STK32A: variants seen among roughly 807,000 people sequenced by gnomAD.
The protein encoded by STK32A is serine/threonine-protein kinase 32A.
Under a neutral mutation model 53.2 loss-of-function variants are expected in STK32A, and 41 were observed. The observed-to-expected ratio is 0.77, with a 90% CI of 0.60 to 1.00. STK32A has a LOEUF of 1.00. Among genes scored for constraint, STK32A ranks in the 50% least tolerant of loss-of-function variants. STK32A has a pLI of 0.00. For synonymous variants in STK32A, 166 were observed against 162.8 expected, an observed-to-expected ratio of 1.02 and a Z score of -0.15; for missense variants, 458 against 485.8, an observed-to-expected ratio of 0.94 and a Z score of 0.54.
At chr5:147,254,176 C>T (rs2151943591) in intron 2 of STK32A, among the ~76,000 whole-genome samples, 1 of 152,310 alleles carries the variant, frequency 6.6e-6, no homozygotes, top group East Asian at 1.9e-4. Context: ...GTTATATCTG[C>T]AACAACCCCA....
At chr5:147,359,905 A>G (rs924078723) in intron 7 of STK32A, among the ~76,000 whole-genome samples, 2 of 152,194 alleles carry the variant, frequency 1.3e-5, no homozygotes, top group Non-Finnish European at 2.9e-5. Flanking sequence ...TTTACTTAAA[A>G]AGAACATGAG....
At chr5:147,236,164 A>C (rs552559956) in intron 1 of STK32A, among the ~76,000 whole-genome samples, 2 of 152,132 alleles carry the variant, frequency 1.3e-5, no homozygotes, top group Non-Finnish European at 1.5e-5. Flanking sequence ...AGAGAAGCTT[A>C]CCTGTTGACA....
chr5:147,261,502 C>A (rs1754569185), intron 2 of STK32A, among the ~76,000 whole-genome samples: 1 of 152,096 alleles, frequency 6.6e-6, no homozygotes, highest in South Asian at 2.1e-4. Context: ...GAGCAGGTAG[C>A]AGGTAATCAG....
chr5:147,301,312 T>G (rs1753122185), intron 4 of STK32A, among the ~76,000 whole-genome samples: 1 of 151,888 alleles, frequency 6.6e-6, no homozygotes, highest in African/African-American at 2.4e-5. Flanking sequence ...TTTTTTCCTA[T>G]AGATACAAAT....
At chr5:147,317,800 T>C (rs1486589272) in intron 4 of STK32A, among the ~76,000 whole-genome samples, 1 of 152,090 alleles carries the variant, frequency 6.6e-6, no homozygotes, top group Admixed American at 6.5e-5. Context: ...AAAAGAAAAG[T>C]TTACAAAACA....
chr5:147,305,466 G>A (rs1299797731), intron 4 of STK32A, among the ~76,000 whole-genome samples: 2 of 152,124 alleles, frequency 1.3e-5, no homozygotes, highest in African/African-American at 4.8e-5. Context: ...CGGTTTTTCA[G>A]CCTTCAGGCT....
intron 4 of STK32A, among the ~76,000 whole-genome samples, chr5:147,313,604 A>G (rs971956214): frequency 6.6e-6 from 1 of 152,226 alleles, no homozygotes; most frequent in Non-Finnish European, 1.5e-5. Flanking sequence ...AAAATTCAAT[A>G]AATTCAAAGA....
intron 11 of STK32A, 51 bp from the exon 12 acceptor site, chr5:147,383,390 T>G (rs953308034): frequency 2.7e-5 from 40 of 1,473,300 alleles, no homozygotes; most frequent in Non-Finnish European, 3.5e-5. Flanking sequence ...TTGAAGATTC[T>G]CATTTGTCTG....
chr5:147,280,678 C>T (rs1394667964), intron 4 of STK32A, among the ~76,000 whole-genome samples: 1 of 151,734 alleles, frequency 6.6e-6, no homozygotes, highest in Non-Finnish European at 1.5e-5. Flanking sequence ...CCTAGCCCTG[C>T]CCCCACCTGA....
chr5:147,274,317 G>A (rs916222281), intron 2 of STK32A, among the ~76,000 whole-genome samples: 2 of 152,120 alleles, frequency 1.3e-5, no homozygotes, highest in Non-Finnish European at 2.9e-5. Context: ...GTGAGAACCA[G>A]GCTCTGCCTT....
At chr5:147,239,921 A>C in intron 2 of STK32A, 1 of 484,314 alleles carries the variant, frequency 2.1e-6, no homozygotes, top group Non-Finnish European at 3.7e-6. Flanking sequence ...CCTTTGTCCA[A>C]AGGGAGCTGC....
In STK32A at chr5:147,296,850, G is replaced by A. The variant is rs115269924; in HGVS notation, c.260+17452G>A. Reference sequence around the variant, plus strand: ...CTGCCTACTGTAACAGACCAACTTAGTTAAATAGGTGGGCTTTTCAACTTA... The same window carrying A: ...CTGCCTACTGTAACAGACCAACTTAATTAAATAGGTGGGCTTTTCAACTTA... On this transcript the variant is annotated intron_variant, in intron 4 of 12. Coordinates refer to ENST00000397936, the MANE Select transcript of STK32A (RefSeq NM_001112724.2). Among the ~76,000 whole-genome samples the A allele has an allele frequency of 7.2e-3, 1,096 of 152,156 alleles. 14 individuals carry two copies. Among genetic ancestry groups the A allele is most frequent in the African/African-American group, 0.025 (1,049 of 41,514 alleles).
In STK32A at chr5:147,321,035, A is replaced by G. The variant is rs1581090329; in HGVS notation, c.261-2863A>G. On this transcript the variant is annotated intron_variant, in intron 4 of 12. Transcript: ENST00000397936. ...GACAGAGCTATGAACAGCCTATTGC[A>G]ATGGTCTGGGTCAAGCATGATGGAG... Among the ~76,000 whole-genome samples the G allele has an allele frequency of 2.6e-5, 4 of 152,216 alleles. No individual in the cohort carries two copies. The South Asian group carries it at 6.2e-4, about 24-fold the overall frequency.
the STK32A span, chr5:147,394,084 C>T: frequency 2.5e-6 from 4 of 1,613,976 alleles, no homozygotes; most frequent in East Asian, 2.2e-5. Context: ...CGCCACGATG[C>T]GCTTGCTGGC....
At chr5:147,299,850 G>A (rs1009260353) in intron 4 of STK32A, among the ~76,000 whole-genome samples, 1 of 152,150 alleles carries the variant, frequency 6.6e-6, no homozygotes, top group African/African-American at 2.4e-5. Flanking sequence ...ACAAATTCCA[G>A]GATCACGATG....
chr5:147,255,271 T>A (rs11167974), intron 2 of STK32A, among the ~76,000 whole-genome samples: 49,736 of 152,096 alleles, frequency 0.33, 8,718 homozygotes, highest in African/African-American at 0.45. Context: ...AACTTTTTTT[T>A]AATATGCCTT....
chr5:147,384,175 C>A lies in STK32A; in HGVS notation c.*192C>A, dbSNP rs1296875469. On this transcript the variant is annotated 3_prime_UTR_variant, in exon 13 of 13. Transcript: ENST00000397936. ...GAGCTCCTGGGATGTCATTTCACAT[C>A]AATCAACTGTGTGATCTAGAGCAAG... 5 of 1,434,904 alleles carry A rather than the reference C, an allele frequency of 3.5e-6. No individual in the cohort carries two copies. Among genetic ancestry groups the A allele is most frequent in the Admixed American group, 3.2e-5 (1 of 30,948 alleles). 88.9% of individuals were successfully genotyped at this position (1,434,904 alleles called of 1,614,324 possible). A position where few individuals can be genotyped will look rare whatever the true frequency, so the allele number is the denominator to read the frequency against.
intron 1 of STK32A, among the ~76,000 whole-genome samples, chr5:147,238,442 G>A (rs1287454482): frequency 6.6e-6 from 1 of 152,118 alleles, no homozygotes; most frequent in Admixed American, 6.5e-5. Context: ...CTGGGCCAAA[G>A]GCATTATCAG....
intron 2 of STK32A, among the ~76,000 whole-genome samples, chr5:147,276,019 T>C (rs1179961440): frequency 2.6e-5 from 4 of 152,198 alleles, no homozygotes; most frequent in Admixed American, 1.3e-4. Flanking sequence ...AGACTGGCAG[T>C]GGAGAAATCA....
Sources: gnomAD v4.1 joint callset for allele counts (sites outside exome capture counted in the v4.1 genomes callset) on GRCh38, gnomAD v4.1.1 for gene constraint, MANE v1.5 for transcripts, NCBI Gene and HGNC (gene_info 2026-07-23, HGNC 2026-07-21) for gene names.